CFAP65: variants seen among roughly 807,000 people sequenced by gnomAD.
CFAP65 encodes cilia and flagella associated protein 65, also known as cilia- and flagella-associated protein 65.
In CFAP65, 155 loss-of-function variants were observed where a neutral mutation model predicts 208.0. The ratio of observed to expected loss-of-function variants is 0.75; its 90% confidence interval spans 0.65 to 0.85. CFAP65 has a LOEUF of 0.85. Among genes scored for constraint, CFAP65 ranks in the 40% least tolerant of loss-of-function variants. CFAP65 has a pLI of 0.00. For missense variants in CFAP65, 2,294 were observed against 2,451.3 expected, an observed-to-expected ratio of 0.94 and a Z score of 1.36; for synonymous variants, 970 against 986.3, an observed-to-expected ratio of 0.98 and a Z score of 0.31.
In CFAP65 at chr2:219,032,413, T is replaced by G; in HGVS notation, c.645+57A>C. Reference sequence around the variant, plus strand: ...CTGGTTGCTCTGTCCTGTTTTCTGTTCTGAGGTCACTGCTCCCAGGTACCT... The same window carrying G: ...CTGGTTGCTCTGTCCTGTTTTCTGTGCTGAGGTCACTGCTCCCAGGTACCT... On this transcript the variant is annotated intron_variant, in intron 6 of 34. Transcript: ENST00000341552. The surrounding 1 kb of genome is among the most constrained non-coding windows in gnomAD (Gnocchi z 5.5). 6.8e-7 allele frequency: 1 copy of G among 1,471,600 alleles called. No individual in the cohort carries two copies. Among genetic ancestry groups the G allele is most frequent in the South Asian group, 1.2e-5 (1 of 80,450 alleles). The allele number at this position is 1,471,600 out of a possible 1,614,324, so 91.2% of individuals were successfully genotyped here.
chr2:219,040,588 A>G (rs1413384604), intron 1 of CFAP65, 24 bp from the exon 2 acceptor site: 2 of 1,552,128 alleles, frequency 1.3e-6, no homozygotes, highest in Non-Finnish European at 1.7e-6. Context: ...GAGAGAGTCC[A>G]TTACTTTTCT....
In CFAP65 at chr2:219,032,643, G is replaced by A; in HGVS notation, c.543-71C>T. ...ACAACTGGAAGAGGCAGGAAACGAG[G>A]GAAGCCCTGCAGCCAAGGGAGCTTG... On this transcript the variant is annotated intron_variant, in intron 5 of 34. Coordinates refer to ENST00000341552, the MANE Select transcript of CFAP65 (RefSeq NM_194302.4). The surrounding 1 kb of genome is among the most constrained non-coding windows in gnomAD (Gnocchi z 5.5). The A allele has an allele frequency of 7.2e-7, 1 of 1,379,746 alleles. No homozygotes were observed. The allele number at this position is 1,379,746 out of a possible 1,614,324, so 85.5% of individuals were successfully genotyped here. A position where few individuals can be genotyped will look rare whatever the true frequency, so the allele number is the denominator to read the frequency against.
rs767268056 is a variant in CFAP65 at position 219,013,857 on chromosome 2, G to T, written c.3779+11C>A. 2.5e-6 allele frequency: 4 copies of T among 1,575,986 alleles called. No homozygotes were observed. The highest frequency in any genetic ancestry group is 3.4e-6 in the Non-Finnish European group (4 of 1,160,034). ...ACTGGAAGTGCAGGGGGTTTGGGGG[G>T]TGGGGAACACCTGTATTTTAACTCC... is the stretch of plus-strand genomic sequence containing the variant. On this transcript the variant is annotated intron_variant, in intron 22 of 34. Transcript: ENST00000341552.
chr2:219,007,981 G>A (rs1026085000), intron 29 of CFAP65, among the ~76,000 whole-genome samples: 1 of 151,886 alleles, frequency 6.6e-6, no homozygotes, highest in Non-Finnish European at 1.5e-5. Context: ...ATCATGGCCG[G>A]CTAATTTTTG....
chr2:219,037,113 C>T (rs1467044844), intron 4 of CFAP65, among the ~76,000 whole-genome samples: 3 of 152,134 alleles, frequency 2.0e-5, no homozygotes, highest in East Asian at 1.9e-4. Context: ...TTACTGTGGC[C>T]GGGTGCAGTG....
intron 12 of CFAP65, 56 bp from the exon 13 acceptor site, chr2:219,028,065 C>G: frequency 6.6e-7 from 1 of 1,522,880 alleles, no homozygotes; most frequent in Non-Finnish European, 8.8e-7. Flanking sequence ...TTGCTGTTGC[C>G]CCTCCTGGGT....
chr2:219,018,850 C>A (rs902929228), intron 21 of CFAP65: 9 of 668,140 alleles, frequency 1.3e-5, no homozygotes, highest in Middle Eastern at 4.3e-4. Context: ...AGCCTATCAC[C>A]GTGTCTCAGC....
Position 219,002,846 on chromosome 2 carries a change from T to A in CFAP65, c.*91A>T. ...GTCGGGGAAATAAAGTCAAGGTAGA[T>A]ACAGAAAAAAGACTAGATGCTTTTA... On this transcript the variant is annotated 3_prime_UTR_variant, in exon 35 of 35. Coordinates refer to ENST00000341552, the MANE Select transcript of CFAP65 (RefSeq NM_194302.4). This position sits in a 1 kb window ranked among gnomAD's most constrained non-coding sequence, Gnocchi z 7.9. 1 of 1,203,224 alleles carries A rather than the reference T, an allele frequency of 8.3e-7. No homozygotes were observed. The highest frequency in any genetic ancestry group is 1.3e-5 in the South Asian group (1 of 76,936). The allele number at this position is 1,203,224 out of a possible 1,614,324, so 74.5% of individuals were successfully genotyped here. A position where few individuals can be genotyped will look rare whatever the true frequency, so the allele number is the denominator to read the frequency against.
In CFAP65 at chr2:219,033,899, TAGAATA is replaced by T. The variant is rs548691286; in HGVS notation, c.543-1333_543-1328del. 1.8e-3 allele frequency: 277 copies of T among 152,246 alleles called. 1 individual carries two copies. The highest frequency in any genetic ancestry group is 6.1e-3 in the African/African-American group (252 of 41,566). 9.4% of individuals were successfully genotyped at this position (152,246 alleles called of 1,614,324 possible). A position where few individuals can be genotyped will look rare whatever the true frequency, so the allele number is the denominator to read the frequency against. On this transcript the variant is annotated intron_variant, in intron 5 of 34. Coordinates refer to ENST00000341552, the MANE Select transcript of CFAP65 (RefSeq NM_194302.4). The stretch of plus-strand genomic sequence containing the variant: ...ACAAGAAAATTAACAAATAAATTAT[TAGAATA>T]AGAGGATTTGCCAAGATCACTGAAC...
At position 219,013,913 on chromosome 2, in the gene CFAP65, C is replaced by G. The variant is rs773391337; in HGVS notation, c.3734G>C (p.Gly1245Ala). The G allele has an allele frequency of 5.6e-6, 9 of 1,613,536 alleles. No individual in the cohort carries two copies. Among genetic ancestry groups the G allele is most frequent in the Middle Eastern group, 1.6e-4 (1 of 6,074 alleles). ...NCLFSISPKAGSLSPGQEQMV... is the reference protein window; with the variant it reads ...NCLFSISPKAASLSPGQEQMV... ...CTGCTCCTGCCCAGGACTCAGGCTCCCAGCCTTGGGGCTGATGGAGAAGAG... is the reference window on the plus strand; with the variant it reads ...CTGCTCCTGCCCAGGACTCAGGCTCGCAGCCTTGGGGCTGATGGAGAAGAG... Residue 1245 changes from glycine (G) to alanine (A), a missense_variant, in exon 22 of 35, where the codon GGG becomes GCG. By Grantham distance (60) the Gly-to-Ala change is moderately conservative. Around this residue, in one of 2 missense-constraint regions of CFAP65, gnomAD observed 1,427 missense variants for 1,438.7 expected, o/e 0.99. Coordinates refer to ENST00000341552, the MANE Select transcript of CFAP65 (RefSeq NM_194302.4).
At chr2:219,006,308 C>G in intron 30 of CFAP65, 85 bp from the exon 31 acceptor site, 1 of 1,489,304 alleles carries the variant, frequency 6.7e-7, no homozygotes. Flanking sequence ...AGTTCCCCCA[C>G]AGGCTCTTTG....
chr2:219,041,309 A>G, intron 1 of CFAP65, 179 bp downstream of exon 1: 1 of 544,980 alleles, frequency 1.8e-6, no homozygotes, highest in East Asian at 3.1e-5. Context: ...TCTCTTCGGG[A>G]TCCTTAGTCT....
chr2:219,022,672 G>A (rs913706130), intron 16 of CFAP65, among the ~76,000 whole-genome samples: 12 of 152,176 alleles, frequency 7.9e-5, no homozygotes, highest in East Asian at 1.9e-4. Context: ...TTGTCCCCCC[G>A]AGGGGCTGTC....
chr2:219,028,469 G>T, intron 11 of CFAP65, 68 bp from the exon 12 acceptor site: 1 of 1,379,708 alleles, frequency 7.2e-7, no homozygotes, highest in South Asian at 1.2e-5. Context: ...GCTGGGGGTT[G>T]AACTGAGGAC....
chr2:219,026,890 A>G, intron 13 of CFAP65: 1 of 986,830 alleles, frequency 1.0e-6, no homozygotes, highest in Non-Finnish European at 1.2e-6. Context: ...GGACGGGGGC[A>G]ACCAAAGCCT....
At position 219,024,113 on chromosome 2, in the gene CFAP65, C is replaced by T; in HGVS notation, c.2497G>A (p.Ala833Thr). 6.2e-7 allele frequency: 1 copy of T among 1,614,044 alleles called. No individual in the cohort carries two copies. The highest frequency in any genetic ancestry group is 8.5e-7 in the Non-Finnish European group (1 of 1,180,018). ...GTGCAGATGAGGATGATCTGGTGGG[C>T]CCCGGGTGCCACAAGGCCCGAAGTG... ...RPTSGLVAPG[A>T]HQIILICTYP... is the part of the protein sequence containing the mutation. Residue 833 changes from alanine (A) to threonine (T), a missense_variant, in exon 15 of 35, where the codon GCC becomes ACC. This residue lies in a region of CFAP65 where 1,427 missense variants were observed against 1,438.7 expected (regional missense o/e 0.99). Transcript: ENST00000341552.
At position 219,003,244 on chromosome 2, in the gene CFAP65, C is replaced by A; in HGVS notation, c.5584G>T (p.Ala1862Ser). The change falls in exon 34 of 35, where the codon GCG becomes TCG. Residue 1862 changes from alanine (A) to serine (S), a missense_variant. Ala to Ser is a moderately conservative substitution (Grantham distance 99). Transcript: ENST00000341552. This position sits in a 1 kb window ranked among gnomAD's most constrained non-coding sequence, Gnocchi z 4.4. ...TTCTGGATCATGTTCTCCAGCAGCG[C>A]CTCCTGCAGGTTGGCGAAGGCCGGG... ...RLPAFANLQE[A>S]LLENMIQNIL... 1 of 1,546,188 alleles carries A rather than the reference C, an allele frequency of 6.5e-7. No homozygotes were observed. The highest frequency in any genetic ancestry group is 1.2e-5 in the South Asian group (1 of 83,832).
intron 4 of CFAP65, among the ~76,000 whole-genome samples, chr2:219,036,740 G>A (rs776126241): frequency 1.3e-4 from 20 of 152,116 alleles, no homozygotes; most frequent in African/African-American, 3.6e-4. Flanking sequence ...CATCATGCCC[G>A]GCCAGCATTT....
At chr2:219,028,177 A>T (rs752399469) in intron 12 of CFAP65, 24 bp downstream of exon 12, 9 of 1,611,264 alleles carry the variant, frequency 5.6e-6, no homozygotes, top group Non-Finnish European at 7.6e-6. Context: ...GAGAAGGGAT[A>T]TGCAGCTGGG....
Sources: allele counts gnomAD v4.1 joint callset (sites outside exome capture counted in the v4.1 genomes callset), GRCh38; gene constraint gnomAD v4.1.1; regional missense constraint gnomAD v4.1.1; non-coding constraint Gnocchi (gnomAD v3.1); transcripts MANE v1.5; gene names NCBI Gene and HGNC (gene_info 2026-07-23, HGNC 2026-07-21).